FDFT1: variants seen among roughly 807,000 people sequenced by gnomAD.
FDFT1 encodes farnesyl-diphosphate farnesyltransferase 1.
A neutral mutation model predicts 46.8 loss-of-function variants in FDFT1; 68 were observed. The observed-to-expected ratio is 1.45, with a 90% CI of 1.19 to 1.78. The LOEUF is 1.78. Among genes scored for constraint, FDFT1 ranks in the 40% most tolerant of loss-of-function variants. The probability of loss-of-function intolerance (pLI) is 0.00; values close to 1 mark genes in which losing one functional copy is unlikely to be tolerated. For missense variants in FDFT1, 928 were observed against 524.4 expected (o/e 1.77, Z -7.52); for synonymous variants, 351 against 185.1 (o/e 1.90, Z -7.28).
intron 5 of FDFT1, among the ~76,000 whole-genome samples, chr8:11,828,751 T>C (rs1008829692): frequency 5.3e-5 from 8 of 152,266 alleles, no homozygotes; most frequent in African/African-American, 1.9e-4. Flanking sequence ...TTCGTAGTAG[T>C]TGAATCATGC....
At chr8:11,823,825 C>G (rs567102236) in intron 4 of FDFT1, among the ~76,000 whole-genome samples, 1 of 152,136 alleles carries the variant, frequency 6.6e-6, no homozygotes, top group African/African-American at 2.4e-5. Flanking sequence ...CTCACTGCAG[C>G]CTTCACCTCC....
intron 5 of FDFT1, 34 bp from the exon 6 acceptor site, chr8:11,830,210 G>A (rs200193052): frequency 5.2e-6 from 8 of 1,548,988 alleles, no homozygotes; most frequent in African/African-American, 1.4e-5. Flanking sequence ...CTATGCACAC[G>A]CTGACCTGTT....
chr8:11,805,359 A>C (rs1002749846), intron 1 of FDFT1, among the ~76,000 whole-genome samples: 1 of 152,204 alleles, frequency 6.6e-6, no homozygotes, highest in African/African-American at 2.4e-5. Flanking sequence ...ATATCAGTAA[A>C]TCTACGGGCA....
At chr8:11,831,898 C>CT (rs1302403608) in intron 7 of FDFT1, 1 of 442,830 alleles carries the variant, frequency 2.3e-6, no homozygotes, top group Non-Finnish European at 4.0e-6. Context: ...TGGAGCAAGG[C>CT]TGTAGGTTGG....
chr8:11,838,342 A>G, intron 7 of FDFT1, 46 bp from the exon 8 acceptor site: 1 of 1,468,044 alleles, frequency 6.8e-7, no homozygotes, highest in Non-Finnish European at 9.5e-7. Flanking sequence ...GCCATGGAAA[A>G]TGTAAAGCAC....
At chr8:11,796,885 G>C (rs1003703967) in intron 1 of FDFT1, among the ~76,000 whole-genome samples, 3 of 152,254 alleles carry the variant, frequency 2.0e-5, no homozygotes, top group Non-Finnish European at 2.9e-5. Context: ...TAAAGAGGCA[G>C]TGTGACAGCT....
At chr8:11,822,464 G>C (rs771184101) in intron 4 of FDFT1, among the ~76,000 whole-genome samples, 8 of 152,168 alleles carry the variant, frequency 5.3e-5, no homozygotes, top group Non-Finnish European at 8.8e-5. Context: ...TGGAACTGCT[G>C]ATTTGTGCTT....
intron 3 of FDFT1, among the ~76,000 whole-genome samples, chr8:11,818,553 G>C (rs1478717920): frequency 2.0e-5 from 3 of 151,992 alleles, no homozygotes; most frequent in Non-Finnish European, 4.4e-5. Flanking sequence ...TCCTGTATTG[G>C]GTACATATAT....
At chr8:11,804,149 AAG>A (rs1319655588) in intron 1 of FDFT1, among the ~76,000 whole-genome samples, 1 of 152,246 alleles carries the variant, frequency 6.6e-6, no homozygotes, top group Non-Finnish European at 1.5e-5. Flanking sequence ...TTTTTAGTGG[AAG>A]AGAGACAATT....
chr8:11,823,737 A>G (rs1692806), intron 4 of FDFT1, among the ~76,000 whole-genome samples: 44,109 of 151,772 alleles, frequency 0.29, 7,495 homozygotes, highest in South Asian at 0.4. Context: ...TGCCTGGCTA[A>G]TTTATTTTAA....
At chr8:11,836,262 A>G (rs1046637257) in intron 7 of FDFT1, among the ~76,000 whole-genome samples, 6 of 152,108 alleles carry the variant, frequency 3.9e-5, no homozygotes, top group African/African-American at 1.4e-4. Context: ...GCATCAGGGC[A>G]CTCAGGTCAT....
chr8:11,826,060 CT>C lies in FDFT1; in HGVS notation c.550del (p.Ser184ProfsTer13). ...TGTTGCTGGGCTGGTCGGAATTGGC[CT>C]TTCCCGTCTTTTCTCAGCCTCAGAG... ...HYVAGLVGIGLSRLFSASEFE... is the reference protein window; with the variant it reads ...HYVAGLVGIGXSRLFSASEFE... On this transcript the variant is annotated frameshift_variant, in exon 5 of 8. Transcript: ENST00000220584. LOFTEE classifies it high-confidence loss of function. The C allele has an allele frequency of 6.2e-7, 1 of 1,603,910 alleles. No individual in the cohort carries two copies. Among genetic ancestry groups the C allele is most frequent in the Non-Finnish European group, 8.5e-7 (1 of 1,172,192 alleles).
chr8:11,806,349 G>C (rs1355081257), intron 1 of FDFT1, among the ~76,000 whole-genome samples: 3 of 152,130 alleles, frequency 2.0e-5, no homozygotes, highest in Non-Finnish European at 1.5e-5. Flanking sequence ...TTTTTAGTGA[G>C]TGTTGTTTTC....
intron 1 of FDFT1, among the ~76,000 whole-genome samples, chr8:11,806,845 A>G (rs1339579437): frequency 6.6e-6 from 1 of 152,196 alleles, no homozygotes; most frequent in Non-Finnish European, 1.5e-5. Context: ...TCATTTATTC[A>G]TGACACCACT....
At chr8:11,798,536 A>C (rs917508163), upstream of FDFT1, among the ~76,000 whole-genome samples, 26 of 152,196 alleles carry the variant, frequency 1.7e-4, no homozygotes, top group African/African-American at 6.3e-4. Context: ...AATGATTTTG[A>C]AGGGGTGGAT....
chr8:11,796,197 G>A (rs943608397), intron 1 of FDFT1, among the ~76,000 whole-genome samples: 9 of 152,204 alleles, frequency 5.9e-5, no homozygotes, highest in Non-Finnish European at 1.2e-4. Context: ...CTACTGTAAT[G>A]GGAGTATGTA....
chr8:11,814,474 G>A (rs1808167671), intron 3 of FDFT1, among the ~76,000 whole-genome samples: 1 of 151,574 alleles, frequency 6.6e-6, no homozygotes, highest in Non-Finnish European at 1.5e-5. Flanking sequence ...TGTAAACACA[G>A]ACCAGGTATA....
intron 3 of FDFT1, among the ~76,000 whole-genome samples, chr8:11,816,596 T>G (rs1311055649): frequency 1.3e-5 from 2 of 152,198 alleles, no homozygotes; most frequent in Admixed American, 6.5e-5. Flanking sequence ...CCCTTGTAAG[T>G]TGGATTCCTA....
At chr8:11,806,646 A>G (rs905246122) in intron 1 of FDFT1, among the ~76,000 whole-genome samples, 1 of 152,154 alleles carries the variant, frequency 6.6e-6, no homozygotes. Context: ...GTTGGACTGA[A>G]CATGACATTT....
Sources: allele counts gnomAD v4.1 joint callset (sites outside exome capture counted in the v4.1 genomes callset), GRCh38; gene constraint gnomAD v4.1.1; transcripts MANE v1.5; gene names NCBI Gene and HGNC (gene_info 2026-07-23, HGNC 2026-07-21).